UBR4: variants seen among roughly 807,000 people sequenced by gnomAD.
The protein encoded by UBR4 is E3 ubiquitin-protein ligase UBR4.
Under a neutral mutation model 575.6 loss-of-function variants are expected in UBR4, and 124 were observed. The observed-to-expected ratio is 0.22, with a 90% CI of 0.19 to 0.25. The LOEUF (loss-of-function observed/expected upper bound fraction) is 0.25, where lower values mean the gene tolerates loss of function less well. Among genes scored for constraint, UBR4 ranks in the 10% least tolerant of loss-of-function variants. UBR4 has a pLI of 1.00. For synonymous variants in UBR4, 2,455 were observed against 2,473.7 expected (o/e 0.99, Z 0.22); for missense variants, 4,818 against 6,478.8 (o/e 0.74, Z 8.80).
intron 100 of UBR4, 81 bp downstream of exon 100, chr1:19,086,598 C>T: frequency 6.4e-7 from 1 of 1,564,672 alleles, no homozygotes; most frequent in South Asian, 1.2e-5. Context: ...AGATTTAAAA[C>T]CACGAGGATG....
chr1:19,119,094 G>A (rs1291578521), intron 70 of UBR4, 137 bp from the exon 71 acceptor site: 7 of 728,880 alleles, frequency 9.6e-6, no homozygotes, highest in Non-Finnish European at 1.6e-5. Context: ...ACAAAGCTGG[G>A]CCTAATTTCA....
At chr1:19,111,958 G>A (rs1158674086) in intron 78 of UBR4, 1 of 152,170 alleles carries the variant, frequency 6.6e-6, no homozygotes, top group Non-Finnish European at 1.5e-5. Context: ...GTTTTACCAT[G>A]TTGGCCAGGC....
chr1:19,113,596 C>A, intron 77 of UBR4, 103 bp downstream of exon 77: 2 of 1,539,668 alleles, frequency 1.3e-6, no homozygotes, highest in South Asian at 2.5e-5. Context: ...AGGGACAACA[C>A]CAAGACCTGG....
chr1:19,181,104 GCA>G (rs1184279881), intron 17 of UBR4, among the ~76,000 whole-genome samples: 1 of 152,144 alleles, frequency 6.6e-6, no homozygotes, highest in East Asian at 1.9e-4. Flanking sequence ...CTTAGGCCGA[GCA>G]CAGTGGCTCA....
chr1:19,133,849 T>C (rs1310537141), intron 60 of UBR4, among the ~76,000 whole-genome samples: 1 of 151,402 alleles, frequency 6.6e-6, no homozygotes, highest in Non-Finnish European at 1.5e-5. Flanking sequence ...GAGGCCAAGG[T>C]GGGTGGATCA....
intron 58 of UBR4, among the ~76,000 whole-genome samples, chr1:19,140,555 G>T (rs2083762351): frequency 6.6e-6 from 1 of 152,372 alleles, no homozygotes; most frequent in East Asian, 1.9e-4. Flanking sequence ...CGGCTTTTCC[G>T]TGGGGAAGTA....
Position 19,126,617 on chromosome 1 carries a change from T to A in UBR4, c.9267A>T (p.Leu3089=). Residue 3089 remains leucine, a synonymous_variant, in exon 64 of 106, where the codon CTA becomes CTT. Transcript: ENST00000375254. ...AGTAGTCCACAGCCCCAGAGCTCAGTAGAGCTGCTGCTGTGGCACTGGAGA... is the reference window on the plus strand; with the variant it reads ...AGTAGTCCACAGCCCCAGAGCTCAGAAGAGCTGCTGCTGTGGCACTGGAGA... ...SLISSATAAA[L]LSSGAVDYCL... 1 of 1,613,990 alleles carries A rather than the reference T, an allele frequency of 6.2e-7. No homozygotes were observed. Among genetic ancestry groups the A allele is most frequent in the Non-Finnish European group, 8.5e-7 (1 of 1,180,002 alleles).
At chr1:19,192,146 G>A (rs757017816) in intron 11 of UBR4, 42 bp downstream of exon 11, 15 of 1,582,164 alleles carry the variant, frequency 9.5e-6, no homozygotes, top group East Asian at 9.0e-5. Context: ...AAATGTTAGC[G>A]AAATAAAACA....
chr1:19,104,982 A>G, intron 85 of UBR4, 66 bp downstream of exon 85: 2 of 1,568,626 alleles, frequency 1.3e-6, no homozygotes, highest in African/African-American at 1.4e-5. Flanking sequence ...ACACCATAGT[A>G]GAGTTTACAT....
At chr1:19,145,676 G>T in intron 53 of UBR4, 117 bp downstream of exon 53, 1 of 1,323,272 alleles carries the variant, frequency 7.6e-7, no homozygotes, top group Non-Finnish European at 1.0e-6. Context: ...CCAATTATGA[G>T]TTCTGGAAGA....
chr1:19,169,625 G>T, intron 26 of UBR4, 93 bp from the exon 27 acceptor site: 1 of 960,704 alleles, frequency 1.0e-6, no homozygotes, highest in Non-Finnish European at 1.6e-6. Context: ...GAAAGAAACA[G>T]TACAGCCCAG....
intron 73 of UBR4, among the ~76,000 whole-genome samples, chr1:19,116,446 GA>G (rs201586052): frequency 0.02 from 3,082 of 152,324 alleles, 56 homozygotes; most frequent in Middle Eastern, 0.088. Context: ...TTCAAGGCAA[GA>G]AGAGAAAACC....
At chr1:19,134,085 C>CT (rs1553170341) in intron 60 of UBR4, among the ~76,000 whole-genome samples, 49 of 44,088 alleles carry the variant, frequency 1.1e-3, no homozygotes, top group South Asian at 2.6e-3. Flanking sequence ...GACTCTGTCT[C>CT]TAAAAAAAAA....
Position 19,114,054 on chromosome 1 carries a change from T to C in UBR4, c.11219A>G (p.Asn3740Ser), listed in dbSNP as rs759579135. The C allele has an allele frequency of 5.6e-6, 9 of 1,613,958 alleles. No individual in the cohort carries two copies. Among genetic ancestry groups the C allele is most frequent in the East Asian group, 4.5e-5 (2 of 44,868 alleles). Residue 3740 changes from asparagine to serine, a missense_variant, in exon 76 of 106, where the codon AAT (asparagine) becomes AGT (serine). Physicochemically the swap from Asn to Ser is conservative, Grantham distance 46 (BLOSUM62 1). Transcript: ENST00000375254. ...EDRKKAVSNI[N>S]TLLDKADRVY... ...TCGATCAGCTTTGTCCAAAAGTGTA[T>C]TGATGTTGGATACAGCCTAGACAGG... is the stretch of plus-strand genomic sequence containing the variant.
In UBR4 at chr1:19,162,593, A is replaced by C; in HGVS notation, c.4783T>G (p.Cys1595Gly). The C allele has an allele frequency of 1.9e-6, 3 of 1,613,112 alleles. No homozygotes were observed. The highest frequency in any genetic ancestry group is 2.5e-6 in the Non-Finnish European group (3 of 1,179,618). Residue 1595 changes from cysteine (C) to glycine (G), a missense_variant, in exon 35 of 106, where the codon TGC becomes GGC. Transcript: ENST00000375254. ...MHGKHVMILE[C>G]TCHIMSYLAD... ...AAGTAAGACATGATATGGCATGTGCACTCCAAGATCATCACATGCTGTAAG... is the reference window on the plus strand; with the variant it reads ...AAGTAAGACATGATATGGCATGTGCCCTCCAAGATCATCACATGCTGTAAG...
At position 19,101,712 on chromosome 1, in the gene UBR4, G is replaced by A. The variant is rs1271327397; in HGVS notation, c.12902-71C>T. 2.6e-6 allele frequency: 4 copies of A among 1,557,942 alleles called. No homozygotes were observed. In the African/African-American group the frequency reaches 5.4e-5, roughly 21 times the overall value. The stretch of plus-strand genomic sequence containing the variant: ...GGAAGGTGAAATGAGAATTCTAACT[G>A]AAGTACCATCACTGACAAATTATTT... On this transcript the variant is annotated intron_variant, in intron 87 of 105. Transcript: ENST00000375254.
intron 39 of UBR4, among the ~76,000 whole-genome samples, chr1:19,159,599 ACTC>A (rs1232601719): frequency 7.8e-6 from 1 of 128,356 alleles, no homozygotes; most frequent in Non-Finnish European, 1.7e-5. Flanking sequence ...CCCCAGCCCC[ACTC>A]CTTTTTTTTT....
chr1:19,185,394 A>G, intron 14 of UBR4, 108 bp from the exon 15 acceptor site: 2 of 1,079,032 alleles, frequency 1.9e-6, no homozygotes, highest in Non-Finnish European at 2.6e-6. Flanking sequence ...GGATATCCCA[A>G]TTGTGATGAT....
chr1:19,157,970 C>T lies in UBR4; in HGVS notation c.5605G>A (p.Ala1869Thr). The T allele has an allele frequency of 1.2e-6, 2 of 1,613,572 alleles. No homozygotes were observed. Among genetic ancestry groups the T allele is most frequent in the South Asian group, 1.1e-5 (1 of 91,058 alleles). The change falls in exon 40 of 106, where the codon GCC becomes ACC. Residue 1869 changes from alanine to threonine, a missense_variant. Ala to Thr is a moderately conservative substitution (Grantham distance 58). This residue lies in a region of UBR4 where 15 missense variants were observed against 60.6 expected (regional missense o/e 0.25). Coordinates refer to ENST00000375254, the MANE Select transcript of UBR4 (RefSeq NM_020765.3). This position sits in a 1 kb window ranked among gnomAD's most constrained non-coding sequence, Gnocchi z 4.4. ...MVPTLGSQEG[A>T]FENVRMNYSG... ...TAATTCATCCGCACATTCTCAAAGGCACCTTCCTGGGACCCTAAGGTGGGA... is the reference window on the plus strand; with the variant it reads ...TAATTCATCCGCACATTCTCAAAGGTACCTTCCTGGGACCCTAAGGTGGGA...
Sources: gnomAD v4.1 joint callset for allele counts (sites outside exome capture counted in the v4.1 genomes callset) on GRCh38, gnomAD v4.1.1 for gene constraint, gnomAD v4.1.1 regional missense constraint, Gnocchi (gnomAD v3.1) non-coding constraint, MANE v1.5 for transcripts, NCBI Gene and HGNC (gene_info 2026-07-23, HGNC 2026-07-21) for gene names.